The following DRAM2 variants were observed in gnomAD, a reference collection of about 807,000 sequenced individuals.
DRAM2 encodes DNA damage regulated autophagy modulator 2, also known as DNA damage-regulated autophagy modulator protein 2.
In DRAM2, 26 loss-of-function variants were observed where a neutral mutation model predicts 33.5. That is an observed-to-expected ratio of 0.78 (90% CI 0.57 to 1.08). DRAM2 has a LOEUF of 1.08. DRAM2 is among the 50% of genes least tolerant of loss of function. The pLI is 0.00. For missense variants in DRAM2, 311 were observed against 318.1 expected (o/e 0.98, Z 0.17); for synonymous variants, 98 against 109.5 (o/e 0.89, Z 0.66).
intron 5 of DRAM2, 74 bp downstream of exon 5, chr1:111,126,153 C>T: frequency 1.1e-6 from 1 of 890,530 alleles, no homozygotes; most frequent in Non-Finnish European, 1.9e-6. Flanking sequence ...AAACAAGTAA[C>T]ACTCCAGTGT....
At chr1:111,131,403 C>A (rs566306801) in intron 4 of DRAM2, 21 bp downstream of exon 4, 3 of 1,606,300 alleles carry the variant, frequency 1.9e-6, no homozygotes, top group Non-Finnish European at 1.7e-6. Flanking sequence ...GTCTCCTATA[C>A]AAAGAATACA....
chr1:111,135,235 A>C (rs1034858252), intron 3 of DRAM2, among the ~76,000 whole-genome samples: 10 of 152,222 alleles, frequency 6.6e-5, no homozygotes, highest in Admixed American at 5.9e-4. Flanking sequence ...CCTGAAACAC[A>C]GGTACCATTT....
At chr1:111,120,893 A>G (rs1445666428) in intron 6 of DRAM2, among the ~76,000 whole-genome samples, 200 bp from the exon 7 acceptor site, 1 of 152,054 alleles carries the variant, frequency 6.6e-6, no homozygotes, top group African/African-American at 2.4e-5. Context: ...TAGTAATACC[A>G]AACTATTTCA....
chr1:111,132,116 G>A (rs897462142), intron 3 of DRAM2, among the ~76,000 whole-genome samples: 10 of 152,178 alleles, frequency 6.6e-5, no homozygotes, highest in African/African-American at 1.9e-4. Flanking sequence ...AGGGTTGGAC[G>A]TTCAGTCCTC....
At chr1:111,127,693 A>G (rs1474706970) in intron 4 of DRAM2, among the ~76,000 whole-genome samples, 1 of 152,164 alleles carries the variant, frequency 6.6e-6, no homozygotes, top group Non-Finnish European at 1.5e-5. Flanking sequence ...TATACTTCAA[A>G]TGATACATGT....
intron 3 of DRAM2, among the ~76,000 whole-genome samples, chr1:111,132,495 G>T (rs1652300449): frequency 6.6e-6 from 1 of 152,128 alleles, no homozygotes; most frequent in Admixed American, 6.5e-5. Flanking sequence ...AGTCTAGTGG[G>T]ACTGAGCCCT....
chr1:111,131,530 T>C lies in DRAM2; in HGVS notation c.25A>G (p.Ser9Gly), dbSNP rs1652076617. 4.3e-6 allele frequency: 7 copies of C among 1,614,082 alleles called. No individual in the cohort carries two copies. The East Asian group carries it at 1.6e-4, about 36-fold the overall frequency. The change falls in exon 4 of 10, where the codon AGT becomes GGT. Residue 9 changes from serine to glycine, a missense_variant. Transcript: ENST00000484310. MWWFQQGLSFLPSALVIWT... is the reference protein window; with the variant it reads MWWFQQGLGFLPSALVIWT... ...ATTACAAGGGCTGAAGGAAGGAAAC[T>C]GAGGCCTTGCTGAAACCACCACATT...
intron 4 of DRAM2, among the ~76,000 whole-genome samples, chr1:111,127,095 C>T (rs898308315): frequency 6.6e-6 from 1 of 152,156 alleles, no homozygotes; most frequent in South Asian, 2.1e-4. Context: ...TGGAGCTATT[C>T]ATTCCCTCCC....
chr1:111,129,549 A>T (rs1367957251), intron 4 of DRAM2, among the ~76,000 whole-genome samples: 1 of 152,216 alleles, frequency 6.6e-6, no homozygotes, highest in Non-Finnish European at 1.5e-5. Context: ...ATTTCCTCAT[A>T]TCCTTTTTGT....
At chr1:111,134,879 T>C (rs1208819175) in intron 3 of DRAM2, among the ~76,000 whole-genome samples, 1 of 152,080 alleles carries the variant, frequency 6.6e-6, no homozygotes, top group Non-Finnish European at 1.5e-5. Context: ...CCAGACAGTA[T>C]GGCACATTAC....
chr1:111,130,056 T>C (rs1007670427), intron 4 of DRAM2, among the ~76,000 whole-genome samples: 2 of 110,280 alleles, frequency 1.8e-5, no homozygotes, highest in Non-Finnish European at 4.3e-5. Context: ...AGGGTTATTA[T>C]AGCTTCTTGG....
rs185939610 is a variant in DRAM2, at chr1:111,118,645, A to G, written c.693+160T>C. 11 of 560,202 alleles carry G rather than the reference A, an allele frequency of 2.0e-5. No individual in the cohort carries two copies. The African/African-American group carries it at 2.2e-4, about 11-fold the overall frequency. 34.7% of individuals were successfully genotyped at this position (560,202 alleles called of 1,614,324 possible). On this transcript the variant is annotated intron_variant, in intron 9 of 9. Transcript: ENST00000484310. ...CACTACTTCTTTAAACACAGAAACA[A>G]TTCACCTGAAAAGTTACATCACTTG...
At chr1:111,138,656 C>T (rs1428931015) in intron 2 of DRAM2, among the ~76,000 whole-genome samples, 6 of 152,084 alleles carry the variant, frequency 3.9e-5, no homozygotes, top group Admixed American at 3.9e-4. Context: ...TGGTGGCGGG[C>T]GCCTGTAATC....
At position 111,139,487 on chromosome 1, in the gene DRAM2, A is replaced by G. The variant is rs1654058129; in HGVS notation, c.-79+14T>C. On this transcript the variant is annotated intron_variant, in intron 2 of 9. Transcript: ENST00000484310. The stretch of plus-strand genomic sequence containing the variant: ...CTCCCTCCAGCCACCAAAGTATCTG[A>G]ACCCAGAACTCACAACAGGAACGTG... 6.6e-6 allele frequency: 1 copy of G among 152,282 alleles called. No homozygotes were observed. The highest frequency in any genetic ancestry group is 2.4e-5 in the African/African-American group (1 of 41,448). 9.4% of individuals were successfully genotyped at this position (152,282 alleles called of 1,614,324 possible). A position where few individuals can be genotyped will look rare whatever the true frequency, so the allele number is the denominator to read the frequency against.
intron 3 of DRAM2, among the ~76,000 whole-genome samples, chr1:111,132,264 G>A (rs771648914): frequency 1.1e-4 from 17 of 152,220 alleles, no homozygotes; most frequent in Admixed American, 7.8e-4. Context: ...GGTTCCTGAA[G>A]GATGGCATAC....
At chr1:111,133,141 G>A (rs1342595835) in intron 3 of DRAM2, among the ~76,000 whole-genome samples, 2 of 150,114 alleles carry the variant, frequency 1.3e-5, no homozygotes, top group African/African-American at 2.5e-5. Context: ...CCTTAACGTG[G>A]TCCATAAGGT....
intron 2 of DRAM2, 80 bp from the exon 3 acceptor site, chr1:111,137,666 G>A (rs776922093): frequency 6.6e-6 from 1 of 152,068 alleles, no homozygotes; most frequent in East Asian, 1.9e-4. Context: ...AAGTCAACAC[G>A]CCAATATTGT....
chr1:111,119,032 T>C, intron 8 of DRAM2, 135 bp from the exon 9 acceptor site: 1 of 516,400 alleles, frequency 1.9e-6, no homozygotes, highest in South Asian at 3.9e-5. Flanking sequence ...TTACCAGGCA[T>C]ATAATATCTC....
chr1:111,118,741 G>C, intron 9 of DRAM2, 64 bp downstream of exon 9: 1 of 1,297,098 alleles, frequency 7.7e-7, no homozygotes, highest in Non-Finnish European at 1.1e-6. Context: ...AGTTCTCTTA[G>C]TCTACCTTCC....
Sources: allele counts gnomAD v4.1 joint callset (sites outside exome capture counted in the v4.1 genomes callset), GRCh38; gene constraint gnomAD v4.1.1; transcripts MANE v1.5; gene names NCBI Gene and HGNC (gene_info 2026-07-23, HGNC 2026-07-21).